The following MYO1D variants were observed in gnomAD, a reference collection of about 807,000 sequenced individuals.
The protein encoded by MYO1D is unconventional myosin-Id.
In MYO1D, 83 loss-of-function variants were observed where a neutral mutation model predicts 122.0. The ratio of observed to expected loss-of-function variants is 0.68; its 90% CI spans 0.57 to 0.82. MYO1D has a LOEUF of 0.82. Among genes scored for constraint, MYO1D ranks in the 40% least tolerant of loss-of-function variants. The probability of loss-of-function intolerance (pLI) is 0.00; values close to 1 mark genes in which losing one functional copy is unlikely to be tolerated. For missense variants in MYO1D, 1,157 were observed against 1,269.5 expected, an observed-to-expected ratio of 0.91 and a Z score of 1.35; for synonymous variants, 464 against 446.9, an observed-to-expected ratio of 1.04 and a Z score of -0.48.
intron 12 of MYO1D, among the ~76,000 whole-genome samples, chr17:32,747,448 T>C (rs1036325353): frequency 6.6e-6 from 1 of 152,194 alleles, no homozygotes; most frequent in Non-Finnish European, 1.5e-5. Context: ...TGTTGCCTTA[T>C]ATCATAAAAT....
At chr17:32,543,376 A>T (rs565079210) in intron 21 of MYO1D, among the ~76,000 whole-genome samples, 11 of 151,332 alleles carry the variant, frequency 7.3e-5, no homozygotes, top group Admixed American at 3.3e-4. Flanking sequence ...GGAGATCGAG[A>T]CCATCCTGGC....
At chr17:32,779,503 T>G (rs2090214307) in intron 2 of MYO1D, among the ~76,000 whole-genome samples, 1 of 151,172 alleles carries the variant, frequency 6.6e-6, no homozygotes, top group Non-Finnish European at 1.5e-5. Flanking sequence ...TATAATATAA[T>G]TACACATGCA....
intron 1 of MYO1D, among the ~76,000 whole-genome samples, chr17:32,818,176 G>A (rs1017471949): frequency 1.4e-5 from 2 of 145,900 alleles, no homozygotes; most frequent in African/African-American, 5.0e-5. Context: ...TACAAGTATT[G>A]TGAAAGAGTT....
chr17:32,675,658 TTCTA>T (rs2088796626), intron 16 of MYO1D, among the ~76,000 whole-genome samples: 1 of 152,192 alleles, frequency 6.6e-6, no homozygotes, highest in African/African-American at 2.4e-5. Context: ...AACTGTGTAT[TTCTA>T]TCTTTTATCC....
At chr17:32,562,407 T>G (rs1457024097) in intron 21 of MYO1D, among the ~76,000 whole-genome samples, 4 of 152,226 alleles carry the variant, frequency 2.6e-5, no homozygotes, top group Non-Finnish European at 4.4e-5. Context: ...TATTTATAAA[T>G]AACTTATTTA....
chr17:32,512,605 G>A (rs1343376706), intron 21 of MYO1D, among the ~76,000 whole-genome samples: 1 of 152,208 alleles, frequency 6.6e-6, no homozygotes. Context: ...TAGGCTCTCA[G>A]CACTGGGTCC....
chr17:32,700,858 C>T (rs946803765), intron 16 of MYO1D, among the ~76,000 whole-genome samples: 6 of 150,106 alleles, frequency 4.0e-5, no homozygotes, highest in African/African-American at 9.8e-5. Flanking sequence ...GCAGGAGAAT[C>T]GCTTGAACCC....
intron 21 of MYO1D, among the ~76,000 whole-genome samples, chr17:32,514,864 A>G (rs1909834860): frequency 1.3e-5 from 2 of 152,270 alleles, no homozygotes; most frequent in African/African-American, 4.8e-5. Context: ...CTTAATCAAA[A>G]GAGGAGACAA....
At chr17:32,841,976 G>A (rs1188930480) in intron 1 of MYO1D, among the ~76,000 whole-genome samples, 1 of 152,194 alleles carries the variant, frequency 6.6e-6, no homozygotes, top group African/African-American at 2.4e-5. Context: ...GCAGTCTAGG[G>A]AAGCACAGAA....
At chr17:32,497,400 T>A (rs1188091004) in intron 21 of MYO1D, among the ~76,000 whole-genome samples, 2 of 152,162 alleles carry the variant, frequency 1.3e-5, no homozygotes, top group East Asian at 3.8e-4. Flanking sequence ...AAGGCTGTGA[T>A]GAGCTATGAT....
intron 1 of MYO1D, among the ~76,000 whole-genome samples, chr17:32,830,787 C>T (rs375061304): frequency 3.3e-5 from 5 of 152,066 alleles, no homozygotes; most frequent in African/African-American, 4.8e-5. Flanking sequence ...CCGATATGGG[C>T]GGTGGCTCAT....
At chr17:32,825,053 A>C (rs2090708854) in intron 1 of MYO1D, among the ~76,000 whole-genome samples, 1 of 152,246 alleles carries the variant, frequency 6.6e-6, no homozygotes, top group Non-Finnish European at 1.5e-5. Flanking sequence ...TAAAAAAGTA[A>C]GCTAAATTAA....
intron 19 of MYO1D, among the ~76,000 whole-genome samples, chr17:32,646,380 C>A (rs1042262571): frequency 6.6e-5 from 10 of 151,972 alleles, no homozygotes; most frequent in African/African-American, 2.2e-4. Flanking sequence ...GAGGCAAGAG[C>A]ATTGCTTGAG....
At chr17:32,649,631 G>C (rs1255617271) in intron 19 of MYO1D, among the ~76,000 whole-genome samples, 3 of 143,424 alleles carry the variant, frequency 2.1e-5, no homozygotes, top group Non-Finnish European at 4.5e-5. Context: ...GAGTGCAGTA[G>C]TGCGATCTCA....
At chr17:32,796,343 T>C (rs766472031) in intron 1 of MYO1D, among the ~76,000 whole-genome samples, 4 of 152,228 alleles carry the variant, frequency 2.6e-5, no homozygotes, top group African/African-American at 7.2e-5. Flanking sequence ...TTAGTAGGCA[T>C]TGACAATTAT....
At chr17:32,788,545 T>A (rs1023701677) in intron 1 of MYO1D, among the ~76,000 whole-genome samples, 2 of 152,196 alleles carry the variant, frequency 1.3e-5, no homozygotes, top group African/African-American at 4.8e-5. Flanking sequence ...TTTCCCCAGT[T>A]GTCAAAAATC....
At chr17:32,793,163 G>A (rs920502076) in intron 1 of MYO1D, among the ~76,000 whole-genome samples, 7 of 151,844 alleles carry the variant, frequency 4.6e-5, no homozygotes, top group African/African-American at 1.7e-4. Context: ...CACCAGTGCA[G>A]CACTCAAGCT....
intron 1 of MYO1D, among the ~76,000 whole-genome samples, chr17:32,807,855 A>T (rs2090531423): frequency 6.6e-6 from 1 of 152,214 alleles, no homozygotes; most frequent in Non-Finnish European, 1.5e-5. Context: ...ACTCTAGCAT[A>T]ACCTACCCTA....
intron 20 of MYO1D, among the ~76,000 whole-genome samples, chr17:32,617,810 A>C (rs1002733985): frequency 6.6e-6 from 1 of 152,256 alleles, no homozygotes; most frequent in African/African-American, 2.4e-5. Flanking sequence ...TTGTAAATGC[A>C]TCATAGAAAG....
Sources: gnomAD v4.1 joint callset for allele counts (sites outside exome capture counted in the v4.1 genomes callset) on GRCh38, gnomAD v4.1.1 for gene constraint, MANE v1.5 for transcripts, NCBI Gene and HGNC (gene_info 2026-07-23, HGNC 2026-07-21) for gene names.